Variants in TBL3 observed in about 807,000 individuals in gnomAD.
TBL3 encodes transducin beta like 3.
A neutral mutation model predicts 102.7 loss-of-function variants in TBL3; 71 were observed. The observed-to-expected ratio is 0.69, with a 90% CI of 0.57 to 0.84. TBL3 has a LOEUF of 0.84. TBL3 is among the 40% of genes least tolerant of loss of function. The probability of loss-of-function intolerance (pLI) is 0.00; values close to 1 mark genes in which losing one functional copy is unlikely to be tolerated. For missense variants in TBL3, 1,188 were observed against 1,098.5 expected (o/e 1.08, Z -1.15); for synonymous variants, 578 against 477.7 (o/e 1.21, Z -2.74).
In TBL3 at chr16:1,978,917, T is replaced by A; in HGVS notation, c.*232T>A. 1 of 1,097,512 alleles carries A rather than the reference T, an allele frequency of 9.1e-7. No homozygotes were observed. Among genetic ancestry groups the A allele is most frequent in the African/African-American group, 1.6e-5 (1 of 62,304 alleles). The allele number at this position is 1,097,512 out of a possible 1,614,324, so 68.0% of individuals were successfully genotyped here. On this transcript the variant is annotated 3_prime_UTR_variant, in exon 22 of 22. Coordinates refer to ENST00000568546, the MANE Select transcript of TBL3 (RefSeq NM_006453.3). ...GCTCCGCACGCTTAGACGGTGGGGG[T>A]CATGCAGAACAAGCTTTACTCAGAG...
intron 21 of TBL3, 26 bp downstream of exon 21, chr16:1,978,497 G>A (rs1311452037): frequency 5.7e-6 from 9 of 1,590,270 alleles, no homozygotes; most frequent in East Asian, 2.2e-5. Flanking sequence ...CTGGGGTTGG[G>A]GGATCCTGGT....
rs1427667309 is a variant in TBL3 at position 1,976,291 on chromosome 16, TG to T, written c.1270del (p.Val424TrpfsTer9). The T allele has an allele frequency of 6.2e-7, 1 of 1,613,458 alleles. No individual in the cohort carries two copies. The highest frequency in any genetic ancestry group is 8.5e-7 in the Non-Finnish European group (1 of 1,179,812). On this transcript the variant is annotated frameshift_variant, in exon 13 of 22. Transcript: ENST00000568546. LOFTEE classifies it high-confidence loss of function. ...CTCAGGGTTCCGGTCACACACACAG[TG>T]TGGGCACCGTCTGCTGCTCTAGGTA... is the stretch of plus-strand genomic sequence containing the variant. Reference protein sequence around the residue: ...VAQGSGHTHSVGTVCCSRLKE... With the variant: ...VAQGSGHTHSXGTVCCSRLKE...
chr16:1,981,374 CTG>C lies in TBL3; in HGVS notation c.*2690_*2691del, dbSNP rs1468313343. ...TCTTGCTGTCCCCCAAGCCCACGAT[CTG>C]GGGGCAGGAGCACAGGGATTGGGGG... On this transcript the variant is annotated 3_prime_UTR_variant, in exon 22 of 22. Coordinates refer to ENST00000568546, the MANE Select transcript of TBL3 (RefSeq NM_006453.3). The C allele has an allele frequency of 2.9e-6, 4 of 1,364,088 alleles. No homozygotes were observed. The highest frequency in any genetic ancestry group is 3.9e-6 in the Non-Finnish European group (4 of 1,036,328). 84.5% of individuals were successfully genotyped at this position (1,364,088 alleles called of 1,614,324 possible). A position where few individuals can be genotyped will look rare whatever the true frequency, so the allele number is the denominator to read the frequency against.
rs377339896 is a variant in TBL3 at position 1,979,094 on chromosome 16, T to G, written c.*409T>G. 3 of 1,509,070 alleles carry G rather than the reference T, an allele frequency of 2.0e-6. No homozygotes were observed. The allele number at this position is 1,509,070 out of a possible 1,614,324, so 93.5% of individuals were successfully genotyped here. A position where few individuals can be genotyped will look rare whatever the true frequency, so the allele number is the denominator to read the frequency against. On this transcript the variant is annotated 3_prime_UTR_variant, in exon 22 of 22. Coordinates refer to ENST00000568546, the MANE Select transcript of TBL3 (RefSeq NM_006453.3). ...GGTGCGGCACAGAGTCCACGCACCCTCGAGGGCGGCCCTGGCGCCGTGGGC... is the reference window on the plus strand; with the variant it reads ...GGTGCGGCACAGAGTCCACGCACCCGCGAGGGCGGCCCTGGCGCCGTGGGC...
rs890174656 is a variant in TBL3 at position 1,978,563 on chromosome 16, C to G, written c.2305C>G (p.Gln769Glu). ...ALLPYTERHF[Q>E]RLSRTLQAAA... ...CTGTCCAACCCCAGAGCGGCACTTTCAGCGGCTCAGCAGGACCCTCCAGGC... is the reference window on the plus strand; with the variant it reads ...CTGTCCAACCCCAGAGCGGCACTTTGAGCGGCTCAGCAGGACCCTCCAGGC... Residue 769 changes from glutamine (Q) to glutamate (E), a missense_variant, in exon 22 of 22, where the codon CAG becomes GAG. Gln to Glu is a conservative substitution (Grantham distance 29). Transcript: ENST00000568546. 1.2e-5 allele frequency: 20 copies of G among 1,607,218 alleles called. No homozygotes were observed. The highest frequency in any genetic ancestry group is 1.6e-5 in the Non-Finnish European group (19 of 1,175,672).
Position 1,972,113 on chromosome 16 carries a change from G to A in TBL3, c.-52G>A. 1.4e-6 allele frequency: 2 copies of A among 1,465,280 alleles called. No homozygotes were observed. The highest frequency in any genetic ancestry group is 9.0e-7 in the Non-Finnish European group (1 of 1,106,536). The allele number at this position is 1,465,280 out of a possible 1,614,324, so 90.8% of individuals were successfully genotyped here. On this transcript the variant is annotated 5_prime_UTR_variant, in exon 1 of 22. Coordinates refer to ENST00000568546, the MANE Select transcript of TBL3 (RefSeq NM_006453.3). ...TCGGTGCTAACCTCCCTCACGCGGC[G>A]GTGGCTGCCGGGACCCTAGCAGGTT...
chr16:1,977,472 G>T (rs1184645298), intron 16 of TBL3, 42 bp from the exon 17 acceptor site: 7 of 1,608,868 alleles, frequency 4.4e-6, no homozygotes, highest in Non-Finnish European at 5.9e-6. Context: ...GGGTGGCGGG[G>T]GGACCTGCCT....
At position 1,981,273 on chromosome 16, in the gene TBL3, CT is replaced by C; in HGVS notation, c.*2589del. 6.4e-7 allele frequency: 1 copy of C among 1,562,598 alleles called. No homozygotes were observed. The highest frequency in any genetic ancestry group is 1.2e-5 in the South Asian group (1 of 85,338). ...GGCTCTGGGGGACCCAGAAAACCCC[CT>C]GGGATAGAATCCTGGCAACACCTCA... On this transcript the variant is annotated 3_prime_UTR_variant, in exon 22 of 22. Coordinates refer to ENST00000568546, the MANE Select transcript of TBL3 (RefSeq NM_006453.3).
rs1041647236 is a variant in TBL3, at chr16:1,974,748, C to A, written c.380-15C>A. ...GGCTTTGGGCATTCCACCCCCTCAC[C>A]TTGCTTCCCCGCAGGTGGCTGTGAT... On this transcript the variant is annotated splice_polypyrimidine_tract_variant and intron_variant, in intron 5 of 21. Transcript: ENST00000568546. 1 of 1,612,264 alleles carries A rather than the reference C, an allele frequency of 6.2e-7. No homozygotes were observed. The highest frequency in any genetic ancestry group is 2.2e-5 in the East Asian group (1 of 44,884).
Position 1,978,425 on chromosome 16 carries a change from C to T in TBL3, c.2247C>T (p.Ala749=), listed in dbSNP as rs1177816917. The T allele has an allele frequency of 6.2e-7, 1 of 1,610,810 alleles. No homozygotes were observed. The highest frequency in any genetic ancestry group is 8.5e-7 in the Non-Finnish European group (1 of 1,178,832). ...GAGAGGCCCCCGAGGAGCTGCTGGC[C>T]TACGAAGGCGTGCGGGCAGCGCTTG... ...LRREAPEELL[A]YEGVRAALEA... Residue 749 remains alanine, a synonymous_variant, in exon 21 of 22, where the codon GCC becomes GCT. Coordinates refer to ENST00000568546, the MANE Select transcript of TBL3 (RefSeq NM_006453.3).
In TBL3 at chr16:1,979,236, C is replaced by A; in HGVS notation, c.*551C>A. On this transcript the variant is annotated 3_prime_UTR_variant, in exon 22 of 22. Transcript: ENST00000568546. ...GGCCTGGGAGGGTTCAGGGAAGCCC[C>A]GGGCCTCACCCGCCGGGTCGTCTCC... is the stretch of plus-strand genomic sequence containing the variant. The A allele has an allele frequency of 2.0e-6, 3 of 1,507,114 alleles. No homozygotes were observed. Among genetic ancestry groups the A allele is most frequent in the South Asian group, 2.5e-5 (2 of 80,154 alleles). The allele number at this position is 1,507,114 out of a possible 1,614,324, so 93.4% of individuals were successfully genotyped here.
chr16:1,975,377 G>A lies in TBL3; in HGVS notation c.744G>A (p.Glu248=). 6.2e-7 allele frequency: 1 copy of A among 1,614,022 alleles called. No homozygotes were observed. Among genetic ancestry groups the A allele is most frequent in the Non-Finnish European group, 8.5e-7 (1 of 1,180,020 alleles). Residue 248 remains glutamate (E), a synonymous_variant, in exon 9 of 22, where the codon GAG becomes GAA. Coordinates refer to ENST00000568546, the MANE Select transcript of TBL3 (RefSeq NM_006453.3). ...AGGCTGCTGTGCTGTTGCCAGAGGA[G>A]CCAGTGTCCCAGCTGGGTGTGAAGT... is the stretch of plus-strand genomic sequence containing the variant. The part of the protein sequence containing the change: ...SVEAAVLLPE[E]PVSQLGVKSP...
In TBL3 at chr16:1,979,554, G is replaced by A. The variant is rs1489306682; in HGVS notation, c.*869G>A. ...ACAGAACTGGGGACCTGGTGGGAGT[G>A]GGTGTTTGGAGTCACCGCGGGGCCA... On this transcript the variant is annotated 3_prime_UTR_variant, in exon 22 of 22. Coordinates refer to ENST00000568546, the MANE Select transcript of TBL3 (RefSeq NM_006453.3). The A allele has an allele frequency of 6.2e-7, 1 of 1,602,068 alleles. No homozygotes were observed. The highest frequency in any genetic ancestry group is 8.5e-7 in the Non-Finnish European group (1 of 1,172,534).
In TBL3 at chr16:1,980,404, G is replaced by A; in HGVS notation, c.*1719G>A. On this transcript the variant is annotated 3_prime_UTR_variant, in exon 22 of 22. Coordinates refer to ENST00000568546, the MANE Select transcript of TBL3 (RefSeq NM_006453.3). ...AGCGCGGGCTCCAGGTCCAGGGGTT[G>A]CGGTGCGAAGAAGCCAGTGATCGTC... 6.2e-7 allele frequency: 1 copy of A among 1,602,996 alleles called. No individual in the cohort carries two copies. The highest frequency in any genetic ancestry group is 8.5e-7 in the Non-Finnish European group (1 of 1,179,812).
chr16:1,973,492 A>T (rs779564822), intron 1 of TBL3, among the ~76,000 whole-genome samples: 3 of 152,204 alleles, frequency 2.0e-5, no homozygotes, highest in Non-Finnish European at 4.4e-5. Context: ...TGAAGAGGCC[A>T]GAGTGGCTGG....
chr16:1,972,260 T>C, intron 1 of TBL3, 55 bp downstream of exon 1: 9 of 1,298,892 alleles, frequency 6.9e-6, no homozygotes, highest in South Asian at 2.3e-5. Context: ...GCAGCCGGCA[T>C]AGCGGAGGCG....
rs1402224863 is a variant in TBL3 at position 1,977,498 on chromosome 16, C to T, written c.1743-16C>T. On this transcript the variant is annotated splice_polypyrimidine_tract_variant and intron_variant, in intron 16 of 21. Transcript: ENST00000568546. ...GGACCTGCCTGACGCTGAGCCTCTC[C>T]CCACCCCAAACCCAGCGGTTCGGAT... The T allele has an allele frequency of 6.2e-7, 1 of 1,609,456 alleles. No individual in the cohort carries two copies. Among genetic ancestry groups the T allele is most frequent in the Non-Finnish European group, 8.5e-7 (1 of 1,178,346 alleles).
At chr16:1,974,346 C>A in intron 3 of TBL3, 30 bp from the exon 4 acceptor site, 1 of 1,596,990 alleles carries the variant, frequency 6.3e-7, no homozygotes, top group Admixed American at 1.7e-5. Context: ...CCCACTCACA[C>A]CGTGCTCGGC....
rs533248826 is a variant in TBL3 at position 1,974,780 on chromosome 16, G to A, written c.397G>A (p.Val133Met). ...CCCCGCAGGTGGCTGTGATGGGGCC[G>A]TGCGCGTCTGGGACATCGTGCGGCA... ...LLATGGCDGAVRVWDIVRHYG... is the reference protein window; with the variant it reads ...LLATGGCDGAMRVWDIVRHYG... Residue 133 changes from valine (V) to methionine (M), a missense_variant, in exon 6 of 22, where the codon GTG (valine) becomes ATG (methionine). By Grantham distance (21) the Val-to-Met change is conservative (BLOSUM62 1). Transcript: ENST00000568546. 1.3e-5 allele frequency: 21 copies of A among 1,612,938 alleles called. 1 individual carries two copies. Among genetic ancestry groups the A allele is most frequent in the South Asian group, 9.9e-5 (9 of 91,076 alleles).
Sources: allele counts gnomAD v4.1 joint callset (sites outside exome capture counted in the v4.1 genomes callset), GRCh38; gene constraint gnomAD v4.1.1; transcripts MANE v1.5; gene names NCBI Gene and HGNC (gene_info 2026-07-23, HGNC 2026-07-21).